Variants in UNC79 observed in about 807,000 individuals in gnomAD.
The protein encoded by UNC79 is unc-79 subunit of NALCN channel complex, also known as protein unc-79 homolog.
UNC79 carries 37 observed loss-of-function variants against 283.1 expected under a neutral mutation model. The observed-to-expected ratio is 0.13, with a 90% CI of 0.10 to 0.17. The LOEUF (loss-of-function observed/expected upper bound fraction) is 0.17. Ranked by LOEUF, UNC79 falls within the 10% of genes least tolerant of loss-of-function variation. The probability of loss-of-function intolerance (pLI) is 1.00; values close to 1 mark genes in which losing one functional copy is unlikely to be tolerated. For missense variants in UNC79, 2,272 were observed against 3,211.1 expected, an observed-to-expected ratio of 0.71 and a Z score of 7.07; for synonymous variants, 1,107 against 1,200.2, an observed-to-expected ratio of 0.92 and a Z score of 1.61.
At chr14:93,613,373 T>G (rs866037492) in intron 27 of UNC79, among the ~76,000 whole-genome samples, 34 of 152,092 alleles carry the variant, frequency 2.2e-4, no homozygotes, top group Middle Eastern at 3.5e-3. Context: ...GAAGAGTGTC[T>G]GTACCTTGAT....
chr14:93,454,084 C>T (rs1218681123), intron 1 of UNC79, among the ~76,000 whole-genome samples: 1 of 147,664 alleles, frequency 6.8e-6, no homozygotes, highest in Non-Finnish European at 1.5e-5. Context: ...CTCGCTGTGT[C>T]ACCCAAGCTG....
At chr14:93,677,684 C>T (rs1199814776) in intron 41 of UNC79, among the ~76,000 whole-genome samples, 1 of 152,096 alleles carries the variant, frequency 6.6e-6, no homozygotes, top group Non-Finnish European at 1.5e-5. Flanking sequence ...GAGGCTTGCT[C>T]TGTCACCCAG....
At chr14:93,348,166 G>GA (rs2053907465) in intron 1 of UNC79, 2 of 1,217,922 alleles carry the variant, frequency 1.6e-6, no homozygotes, top group Non-Finnish European at 1.2e-6. Flanking sequence ...AAAACTTTCA[G>GA]AAAAAGCTGT....
intron 40 of UNC79, 90 bp from the exon 44 acceptor site, chr14:93,673,261 C>A: frequency 9.2e-7 from 1 of 1,085,990 alleles, no homozygotes. Flanking sequence ...TTATTTCTGA[C>A]CCGTGAATTT....
At chr14:93,642,221 G>A (rs1269224510) in intron 33 of UNC79, among the ~76,000 whole-genome samples, 2 of 151,900 alleles carry the variant, frequency 1.3e-5, no homozygotes, top group African/African-American at 2.4e-5. Context: ...TCAGGAGATC[G>A]AGACCATCCT....
At chr14:93,627,014 A>G (rs1214074667) in intron 30 of UNC79, among the ~76,000 whole-genome samples, 2 of 152,282 alleles carry the variant, frequency 1.3e-5, no homozygotes, top group East Asian at 3.9e-4. Flanking sequence ...GCACTTGTGA[A>G]TAGCCACAGC....
At position 93,517,406 on chromosome 14, in the gene UNC79, A is replaced by C. The variant is rs539078571; in HGVS notation, c.899-6572A>C. ...AGTGGACGTCCTTGTTCTTTCTCCC[A>C]ATCTTTGGGGAGAGTATTTGGGCTT... On this transcript the variant is annotated intron_variant, in intron 7 of 48. Transcript: ENST00000555664. 2.2e-3 allele frequency among the ~76,000 whole-genome samples: 307 copies of C among 142,480 alleles called. 2 individuals carry two copies. Among genetic ancestry groups the C allele is most frequent in the African/African-American group, 7.9e-3 (302 of 38,076 alleles). The allele number at this position is 142,480 out of a possible 152,430, so 93.5% of individuals were successfully genotyped here. A position where few individuals can be genotyped will look rare whatever the true frequency, so the allele number is the denominator to read the frequency against.
intron 7 of UNC79, among the ~76,000 whole-genome samples, chr14:93,515,500 A>G (rs989904846): frequency 3.3e-5 from 5 of 152,136 alleles, no homozygotes; most frequent in East Asian, 1.9e-4. Context: ...TATAAAAACT[A>G]TAAACCTAAT....
At chr14:93,376,403 C>A (rs2054559068) in intron 1 of UNC79, among the ~76,000 whole-genome samples, 1 of 151,964 alleles carries the variant, frequency 6.6e-6, no homozygotes, top group Admixed American at 6.6e-5. Flanking sequence ...CTAATGCGTT[C>A]CAGGGTAGAA....
Position 93,658,854 on chromosome 14 carries a change from T to TCATCCATC in UNC79, c.6457-316_6457-309dup, listed in dbSNP as rs543094478. Among the ~76,000 whole-genome samples, 8 of 152,064 alleles carry TCATCCATC rather than the reference T, an allele frequency of 5.3e-5. No homozygotes were observed. In the South Asian group the frequency reaches 8.3e-4, roughly 16 times the overall value. Reference sequence around the variant, plus strand: ...TTCTGTTCATTGTCTGTCCATCTATTCATCCATCCATCCATCCATCCATCC... The same window carrying TCATCCATC: ...TTCTGTTCATTGTCTGTCCATCTATTCATCCATCCATCCATCCATCCATCCATCCATCC... On this transcript the variant is annotated intron_variant, in intron 38 of 48. Transcript: ENST00000555664.
At chr14:93,699,478 C>T (rs921020459) in intron 47 of UNC79, among the ~76,000 whole-genome samples, 1 of 152,136 alleles carries the variant, frequency 6.6e-6, no homozygotes, top group African/African-American at 2.4e-5. Context: ...ATTCTCATTT[C>T]CATTCAGATC....
chr14:93,645,246 A>G (rs999902309), intron 34 of UNC79, among the ~76,000 whole-genome samples: 2 of 152,376 alleles, frequency 1.3e-5, no homozygotes, highest in East Asian at 3.9e-4. Context: ...TGAGAACAAT[A>G]TGTGTTCAAA....
intron 1 of UNC79, among the ~76,000 whole-genome samples, chr14:93,395,143 G>C (rs1432645935): frequency 2.6e-5 from 4 of 151,858 alleles, no homozygotes; most frequent in African/African-American, 9.7e-5. Flanking sequence ...TTACTCTCTA[G>C]GGTTCTTTTA....
intron 1 of UNC79, among the ~76,000 whole-genome samples, chr14:93,435,387 A>G (rs1566933661): frequency 6.6e-6 from 1 of 152,032 alleles, no homozygotes; most frequent in Non-Finnish European, 1.5e-5. Flanking sequence ...ATTTTTTCTT[A>G]GGGCTGTCTT....
At chr14:93,443,703 A>T (rs1296226502) in intron 1 of UNC79, among the ~76,000 whole-genome samples, 1 of 152,200 alleles carries the variant, frequency 6.6e-6, no homozygotes, top group Non-Finnish European at 1.5e-5. Flanking sequence ...GATTACAGGC[A>T]TGAGCCACGG....
At chr14:93,357,234 TC>T (rs1240321319) in intron 1 of UNC79, among the ~76,000 whole-genome samples, 1 of 152,162 alleles carries the variant, frequency 6.6e-6, no homozygotes, top group Non-Finnish European at 1.5e-5. Context: ...TGCATAGTAT[TC>T]CATGGTGTTT....
intron 22 of UNC79, among the ~76,000 whole-genome samples, chr14:93,593,226 C>A (rs547009428): frequency 6.6e-6 from 1 of 152,072 alleles, no homozygotes; most frequent in Non-Finnish European, 1.5e-5. Flanking sequence ...TGATTGATGA[C>A]CTGTCTGTTC....
At chr14:93,340,587 T>G (rs1277292406) in intron 1 of UNC79, among the ~76,000 whole-genome samples, 1 of 151,782 alleles carries the variant, frequency 6.6e-6, no homozygotes. Context: ...TTTTTTTTTT[T>G]TGAGACAGGG....
intron 14 of UNC79, among the ~76,000 whole-genome samples, chr14:93,567,647 T>C (rs2062971548): frequency 6.6e-6 from 1 of 152,222 alleles, no homozygotes; most frequent in African/African-American, 2.4e-5. Context: ...TTGTGAATTG[T>C]TTATTGCTCA....
Sources: allele counts gnomAD v4.1 joint callset (sites outside exome capture counted in the v4.1 genomes callset), GRCh38; gene constraint gnomAD v4.1.1; transcripts MANE v1.5; gene names NCBI Gene and HGNC (gene_info 2026-07-23, HGNC 2026-07-21).